The following ZMAT5 variants were observed in gnomAD, a reference collection of about 807,000 sequenced individuals.
ZMAT5 encodes the protein zinc finger matrin-type protein 5.
ZMAT5 carries 23 observed loss-of-function variants against 28.0 expected under a neutral mutation model. That is an observed-to-expected ratio of 0.82 (90% CI 0.59 to 1.16). The LOEUF is 1.16. ZMAT5 is among the 50% of genes most tolerant of loss of function. The pLI, the probability that ZMAT5 is intolerant of heterozygous loss-of-function variation, is 0.00. For missense variants in ZMAT5, 173 were observed against 212.7 expected, an observed-to-expected ratio of 0.81 and a Z score of 1.16; for synonymous variants, 76 against 84.1, an observed-to-expected ratio of 0.90 and a Z score of 0.52.
intron 1 of ZMAT5, among the ~76,000 whole-genome samples, chr22:29,754,741 G>A (rs1279237194): frequency 2.6e-5 from 4 of 152,036 alleles, no homozygotes; most frequent in Non-Finnish European, 2.9e-5. Context: ...AGGCATGGTG[G>A]TACATACCTG....
At position 29,732,504 on chromosome 22, in the gene ZMAT5, A is replaced by G. The variant is rs5997510; in HGVS notation, c.384-1150T>C. On this transcript the variant is annotated intron_variant, in intron 5 of 5. Transcript: ENST00000344318. ...TGTAATCCCAGCGCTTTGGGAGGCC[A>G]AGGCGGGTGGATCACGAGATCAGGA... 1.1e-3 allele frequency among the ~76,000 whole-genome samples: 161 copies of G among 152,254 alleles called. 2 individuals carry two copies. Among genetic ancestry groups the G allele is most frequent in the African/African-American group, 3.8e-3 (156 of 41,552 alleles).
At chr22:29,744,004 A>T (rs1569336944) in intron 2 of ZMAT5, among the ~76,000 whole-genome samples, 1 of 152,172 alleles carries the variant, frequency 6.6e-6, no homozygotes, top group African/African-American at 2.4e-5. Flanking sequence ...AAGCTGCATA[A>T]ACTCCAAGTC....
intron 1 of ZMAT5, among the ~76,000 whole-genome samples, chr22:29,761,358 C>G (rs1483664517): frequency 6.6e-6 from 1 of 151,438 alleles, no homozygotes; most frequent in Non-Finnish European, 1.5e-5. Flanking sequence ...AGGAGGATCA[C>G]TTGAGCCCAG....
At chr22:29,733,208 C>T (rs1014796520) in intron 5 of ZMAT5, among the ~76,000 whole-genome samples, 1 of 152,248 alleles carries the variant, frequency 6.6e-6, no homozygotes, top group African/African-American at 2.4e-5. Context: ...CTCCCACACC[C>T]CAACATCCAG....
chr22:29,748,806 G>A (rs1000937188), intron 1 of ZMAT5, among the ~76,000 whole-genome samples: 1 of 152,242 alleles, frequency 6.6e-6, no homozygotes, highest in Non-Finnish European at 1.5e-5. Flanking sequence ...ACCTCAGTGG[G>A]TGAGGCCTGG....
intron 5 of ZMAT5, among the ~76,000 whole-genome samples, chr22:29,733,926 G>A (rs527838964): frequency 6.6e-6 from 1 of 152,362 alleles, no homozygotes; most frequent in South Asian, 2.1e-4. Flanking sequence ...GGACATTGAG[G>A]TGCGTGTCTG....
At chr22:29,742,033 A>C (rs2067967563) in intron 3 of ZMAT5, among the ~76,000 whole-genome samples, 1 of 152,108 alleles carries the variant, frequency 6.6e-6, no homozygotes, top group Non-Finnish European at 1.5e-5. Context: ...CTTGGTTCTG[A>C]TCCTGAACTT....
chr22:29,752,271 C>T (rs181308894), intron 1 of ZMAT5, among the ~76,000 whole-genome samples: 29 of 152,294 alleles, frequency 1.9e-4, no homozygotes, highest in African/African-American at 5.8e-4. Flanking sequence ...ACACGCTCCT[C>T]GGCCTGCCTC....
chr22:29,735,383 G>C (rs1485575872), intron 5 of ZMAT5, among the ~76,000 whole-genome samples: 3 of 152,330 alleles, frequency 2.0e-5, no homozygotes, highest in African/African-American at 7.2e-5. Context: ...AAGGGGCCAG[G>C]CTGGGTGGCC....
chr22:29,754,143 C>T (rs1459305283), intron 1 of ZMAT5, among the ~76,000 whole-genome samples: 3 of 152,138 alleles, frequency 2.0e-5, no homozygotes, highest in East Asian at 1.9e-4. Flanking sequence ...CTCTAAATGG[C>T]GCCCAGATAC....
intron 2 of ZMAT5, chr22:29,746,024 GTGCAGTGGTGCAATCTCGGCTCAC>G (rs2068006081): frequency 6.6e-6 from 1 of 152,270 alleles, no homozygotes; most frequent in African/African-American, 2.4e-5. Flanking sequence ...CGAGGCTGGA[GTGCAGTGGTGCAATCTCGGCTCAC>G]TGCAGCCTCC....
rs754330118 is a variant in ZMAT5 at position 29,731,273 on chromosome 22, T to C, written c.465A>G (p.Ala155=). 56 of 1,518,750 alleles carry C rather than the reference T, an allele frequency of 3.7e-5. No homozygotes were observed. In the Middle Eastern group the frequency reaches 4.0e-3, roughly 108 times the overall value. 94.1% of individuals were successfully genotyped at this position (1,518,750 alleles called of 1,614,324 possible). The change falls in exon 6 of 6, where the codon GCA becomes GCG. Residue 155 remains alanine, a synonymous_variant. Transcript: ENST00000344318. The part of the protein sequence containing the change: ...PVQELPPSLR[A]PPPGGWPLQP... ...GCAGAGGCCACCCCCCAGGTGGGGG[T>C]GCCCGCAGGGATGGAGGCAGCTCCT... is the stretch of plus-strand genomic sequence containing the variant.
At chr22:29,752,188 G>T (rs910101219) in intron 1 of ZMAT5, among the ~76,000 whole-genome samples, 1 of 152,138 alleles carries the variant, frequency 6.6e-6, no homozygotes, top group South Asian at 2.1e-4. Context: ...TGGGGCTCAG[G>T]TCTGCCAGGA....
intron 1 of ZMAT5, among the ~76,000 whole-genome samples, chr22:29,755,149 G>A (rs1385874089): frequency 1.3e-5 from 2 of 151,902 alleles, no homozygotes. Flanking sequence ...TACAAAATTA[G>A]CCAGGCGTGG....
intron 1 of ZMAT5, among the ~76,000 whole-genome samples, chr22:29,760,853 C>CT (rs1569341715): frequency 6.6e-6 from 1 of 152,144 alleles, no homozygotes; most frequent in Non-Finnish European, 1.5e-5. Flanking sequence ...TGTTTTCTTA[C>CT]TAGATAAGTG....
At chr22:29,758,421 G>C (rs184662315) in intron 1 of ZMAT5, among the ~76,000 whole-genome samples, 3 of 152,308 alleles carry the variant, frequency 2.0e-5, no homozygotes, top group Admixed American at 6.5e-5. Flanking sequence ...TTTGAGACCA[G>C]CCTGAGCAAC....
rs372625455 is a variant in ZMAT5, at chr22:29,740,641, G to A, written c.271+9C>T. 9.3e-5 allele frequency: 149 copies of A among 1,593,592 alleles called. No individual in the cohort carries two copies. The highest frequency in any genetic ancestry group is 1.1e-4 in the Non-Finnish European group (127 of 1,170,206). The stretch of plus-strand genomic sequence containing the variant: ...ACTCCCGCTTAGCCCAGGGCATCCC[G>A]AGACGTACCCTCCACCTGGATGCTC... On this transcript the variant is annotated intron_variant, in intron 4 of 5. Transcript: ENST00000344318.
At position 29,748,562 on chromosome 22, in the gene ZMAT5, G is replaced by A. The variant is rs1172011347; in HGVS notation, c.-18C>T. ...TTCCCCATGGCCACTCAGAGCAGGT[G>A]CTTTGCTGCCTGGGAAGCCACAAAG... On this transcript the variant is annotated 5_prime_UTR_variant, in exon 2 of 6. Transcript: ENST00000344318. 9 of 1,613,770 alleles carry A rather than the reference G, an allele frequency of 5.6e-6. No homozygotes were observed. In the Admixed American group the frequency reaches 8.3e-5, roughly 15 times the overall value.
chr22:29,731,952 T>A (rs1358182922), intron 5 of ZMAT5: 1 of 151,864 alleles, frequency 6.6e-6, no homozygotes, highest in African/African-American at 2.4e-5. Flanking sequence ...ATTGTCTAAA[T>A]TTTTTTTTAA....
Sources: gnomAD v4.1 joint callset for allele counts (sites outside exome capture counted in the v4.1 genomes callset) on GRCh38, gnomAD v4.1.1 for gene constraint, MANE v1.5 for transcripts, NCBI Gene and HGNC (gene_info 2026-07-23, HGNC 2026-07-21) for gene names.